Variants in SMYD3 observed in about 807,000 individuals in gnomAD.
SMYD3 encodes the protein SET and MYND domain containing 3, also known as histone-lysine N-methyltransferase SMYD3.
A neutral mutation model predicts 57.7 loss-of-function variants in SMYD3; 36 were observed. The ratio of observed to expected loss-of-function variants is 0.62; its 90% CI spans 0.48 to 0.82. SMYD3 has a LOEUF of 0.82. SMYD3 is among the 40% of genes least tolerant of loss of function. SMYD3 has a pLI of 0.00. For missense variants in SMYD3, 515 were observed against 538.8 expected, an observed-to-expected ratio of 0.96 and a Z score of 0.44; for synonymous variants, 211 against 195.0, an observed-to-expected ratio of 1.08 and a Z score of -0.68.
At chr1:246,271,999 T>G (rs1034230726) in intron 5 of SMYD3, among the ~76,000 whole-genome samples, 8 of 152,226 alleles carry the variant, frequency 5.3e-5, no homozygotes, top group Non-Finnish European at 1.5e-5. Context: ...TTTTCATTGT[T>G]AAGTTTTTAA....
chr1:246,273,101 CA>C (rs1393327315), intron 5 of SMYD3, among the ~76,000 whole-genome samples: 3,158 of 140,812 alleles, frequency 0.022, 123 homozygotes, highest in African/African-American at 0.081. Context: ...AATCCTTTTT[CA>C]TTCTGTATGA....
intron 5 of SMYD3, among the ~76,000 whole-genome samples, chr1:246,322,969 C>G (rs140801032): frequency 1.8e-4 from 28 of 152,322 alleles, no homozygotes; most frequent in African/African-American, 6.3e-4. Context: ...AAACCTTCTC[C>G]GGAGGAGGTT....
At chr1:245,837,860 T>G (rs1402102658) in intron 10 of SMYD3, among the ~76,000 whole-genome samples, 1 of 152,218 alleles carries the variant, frequency 6.6e-6, no homozygotes, top group African/African-American at 2.4e-5. Flanking sequence ...GCATGAAATA[T>G]ACTTCACTGA....
chr1:245,995,950 C>T (rs1453841700), intron 5 of SMYD3, among the ~76,000 whole-genome samples: 1 of 151,954 alleles, frequency 6.6e-6, no homozygotes, highest in Non-Finnish European at 1.5e-5. Context: ...AGTGGAAAGA[C>T]AATCAGCCAG....
chr1:246,442,677 T>C (rs1462508104), intron 1 of SMYD3, among the ~76,000 whole-genome samples: 3 of 152,126 alleles, frequency 2.0e-5, no homozygotes, highest in African/African-American at 7.2e-5. Context: ...TGGAGACCAG[T>C]TGGAGGTTAA....
chr1:246,368,418 A>T (rs1227647041), intron 1 of SMYD3, among the ~76,000 whole-genome samples: 1 of 151,962 alleles, frequency 6.6e-6, no homozygotes, highest in Non-Finnish European at 1.5e-5. Flanking sequence ...AATCCTAGTG[A>T]CTCCCAAATT....
At chr1:245,794,778 G>GT (rs1313026600) in intron 10 of SMYD3, among the ~76,000 whole-genome samples, 1 of 151,878 alleles carries the variant, frequency 6.6e-6, no homozygotes, top group Non-Finnish European at 1.5e-5. Flanking sequence ...ATCTTTGTGG[G>GT]TTTTTTTATT....
intron 10 of SMYD3, among the ~76,000 whole-genome samples, chr1:245,773,357 C>T (rs929189436): frequency 6.6e-6 from 1 of 152,172 alleles, no homozygotes; most frequent in African/African-American, 2.4e-5. Context: ...TTGGTCTTTC[C>T]TTCTAGAAAA....
intron 10 of SMYD3, among the ~76,000 whole-genome samples, chr1:245,794,988 G>A (rs1300538229): frequency 6.6e-6 from 1 of 151,982 alleles, no homozygotes; most frequent in Non-Finnish European, 1.5e-5. Context: ...GAATCTCAGT[G>A]GTTCTCTTTT....
At chr1:246,308,724 A>C (rs146288024) in intron 5 of SMYD3, among the ~76,000 whole-genome samples, 1 of 152,338 alleles carries the variant, frequency 6.6e-6, no homozygotes, top group African/African-American at 2.4e-5. Flanking sequence ...TAGGCAAAGC[A>C]TGATTAAATG....
chr1:246,263,578 T>G (rs1394185257), intron 5 of SMYD3, among the ~76,000 whole-genome samples: 1 of 152,202 alleles, frequency 6.6e-6, no homozygotes, highest in East Asian at 1.9e-4. Flanking sequence ...CTTTCCTAAT[T>G]CAAAAACAGC....
chr1:246,135,331 T>C (rs902288974), intron 5 of SMYD3, among the ~76,000 whole-genome samples: 4 of 152,178 alleles, frequency 2.6e-5, no homozygotes, highest in Admixed American at 6.5e-5. Flanking sequence ...TATTAATTAA[T>C]ATTGTATGAC....
At position 246,364,299 on chromosome 1, in the gene SMYD3, G is replaced by A. The variant is rs570437643; in HGVS notation, c.165-9205C>T. 2.5e-4 allele frequency among the ~76,000 whole-genome samples: 37 copies of A among 150,944 alleles called. 1 individual carries two copies. The South Asian group carries it at 7.1e-3, about 29-fold the overall frequency. On this transcript the variant is annotated intron_variant, in intron 1 of 11. Transcript: ENST00000490107. ...GTAAAATTCACAGTGACAAGGATCA[G>A]ACGGGACTGTGTATAGTTTCAAGGT...
intron 1 of SMYD3, among the ~76,000 whole-genome samples, chr1:246,490,517 CTAA>C (rs1247573202): frequency 1.3e-5 from 2 of 152,268 alleles, no homozygotes; most frequent in African/African-American, 4.8e-5. Flanking sequence ...GGGCAAATAA[CTAA>C]TAAAACCTAA....
At chr1:245,892,472 G>T (rs2053447843) in intron 8 of SMYD3, among the ~76,000 whole-genome samples, 1 of 152,198 alleles carries the variant, frequency 6.6e-6, no homozygotes, top group African/African-American at 2.4e-5. Flanking sequence ...TTGGTCAACA[G>T]CAGAAACCAG....
intron 1 of SMYD3, among the ~76,000 whole-genome samples, chr1:246,419,028 C>T (rs1204583140): frequency 6.6e-6 from 1 of 152,200 alleles, no homozygotes; most frequent in Non-Finnish European, 1.5e-5. Context: ...CCCCTCCCCG[C>T]CCTTGCGATA....
chr1:245,958,250 G>C (rs1322203255), intron 5 of SMYD3, among the ~76,000 whole-genome samples: 6 of 152,130 alleles, frequency 3.9e-5, no homozygotes, highest in Admixed American at 6.6e-5. Flanking sequence ...AAATCTGAAA[G>C]CATCTTAAGA....
At position 246,395,562 on chromosome 1, in the gene SMYD3, C is replaced by T. The variant is rs1054265710; in HGVS notation, c.165-40468G>A. On this transcript the variant is annotated intron_variant, in intron 1 of 11. Coordinates refer to ENST00000490107, the MANE Select transcript of SMYD3 (RefSeq NM_001167740.2). ...ACCTTTTTCACAAGTGGACAATGTGCACTACTACTGCGAGTGGACCCCCAC... is the reference window on the plus strand; with the variant it reads ...ACCTTTTTCACAAGTGGACAATGTGTACTACTACTGCGAGTGGACCCCCAC... Among the ~76,000 whole-genome samples the T allele has an allele frequency of 4.6e-5, 7 of 151,052 alleles. No individual in the cohort carries two copies. In the South Asian group the frequency reaches 6.4e-4, roughly 14 times the overall value.
chr1:246,171,052 G>T (rs942368012), intron 5 of SMYD3, among the ~76,000 whole-genome samples: 1 of 151,780 alleles, frequency 6.6e-6, no homozygotes, highest in Non-Finnish European at 1.5e-5. Flanking sequence ...AGTATACTTT[G>T]TTTCTTTCAG....
Sources: allele counts gnomAD v4.1 joint callset (sites outside exome capture counted in the v4.1 genomes callset), GRCh38; gene constraint gnomAD v4.1.1; transcripts MANE v1.5; gene names NCBI Gene and HGNC (gene_info 2026-07-23, HGNC 2026-07-21).